PDE4D: variants seen among roughly 807,000 people sequenced by gnomAD.
PDE4D encodes phosphodiesterase 4D.
Under a neutral mutation model 87.4 loss-of-function variants are expected in PDE4D, and 24 were observed. That is an observed-to-expected ratio of 0.27 (90% CI 0.20 to 0.39). The LOEUF (loss-of-function observed/expected upper bound fraction) is 0.39, where lower values mean the gene tolerates loss of function less well. Ranked by LOEUF, PDE4D falls within the 10% of genes least tolerant of loss-of-function variation. PDE4D has a pLI of 1.00. For synonymous variants in PDE4D, 384 were observed against 383.2 expected (o/e 1.00, Z -0.02); for missense variants, 714 against 1,041.0 (o/e 0.69, Z 4.32).
intron 3 of PDE4D, among the ~76,000 whole-genome samples, chr5:59,904,299 G>A (rs1420972343): frequency 1.3e-5 from 2 of 151,900 alleles, no homozygotes; most frequent in Non-Finnish European, 2.9e-5. Context: ...AGGCTATTAT[G>A]GAAACACATT....
chr5:59,841,865 C>T (rs895605128), intron 1 of PDE4D, among the ~76,000 whole-genome samples: 4 of 152,092 alleles, frequency 2.6e-5, no homozygotes, highest in East Asian at 1.9e-4. Flanking sequence ...CAAGAAGCTG[C>T]GAAGAGTTTG....
chr5:59,282,935 C>T (rs937559728), intron 1 of PDE4D, among the ~76,000 whole-genome samples: 1 of 152,104 alleles, frequency 6.6e-6, no homozygotes, highest in African/African-American at 2.4e-5. Context: ...GAGAAAAACG[C>T]CTACTATTTA....
At chr5:59,615,253 G>A (rs756508109) in intron 1 of PDE4D, among the ~76,000 whole-genome samples, 31 of 152,090 alleles carry the variant, frequency 2.0e-4, no homozygotes, top group Admixed American at 7.2e-4. Context: ...AAACAGTAAG[G>A]TTTCCTGGGA....
intron 5 of PDE4D, among the ~76,000 whole-genome samples, chr5:59,070,414 C>G (rs1764588499): frequency 6.6e-6 from 1 of 152,266 alleles, no homozygotes; most frequent in Non-Finnish European, 1.5e-5. Flanking sequence ...TTAGCTGATT[C>G]ATTTGCTATA....
intron 1 of PDE4D, among the ~76,000 whole-genome samples, chr5:59,348,675 C>G (rs1439118573): frequency 1.6e-5 from 2 of 128,670 alleles, no homozygotes; most frequent in Non-Finnish European, 3.2e-5. Flanking sequence ...TTTGAACTGT[C>G]CTTTGCATTT....
At chr5:59,877,224 C>T (rs1210510015) in intron 1 of PDE4D, among the ~76,000 whole-genome samples, 3 of 151,894 alleles carry the variant, frequency 2.0e-5, no homozygotes, top group Non-Finnish European at 4.4e-5. Context: ...CCTGCATGTT[C>T]GTTTGGTTGT....
chr5:60,116,709 G>A (rs182523390), intron 2 of PDE4D, among the ~76,000 whole-genome samples: 17 of 151,996 alleles, frequency 1.1e-4, no homozygotes, highest in African/African-American at 4.1e-4. Flanking sequence ...CATCAGAAAC[G>A]AGAGCAGGAA....
intron 2 of PDE4D, among the ~76,000 whole-genome samples, chr5:60,014,973 A>G (rs1765372763): frequency 1.3e-5 from 2 of 152,188 alleles, no homozygotes; most frequent in Admixed American, 1.3e-4. Context: ...GGAATTGGTA[A>G]CATGTTCCCA....
intron 2 of PDE4D, chr5:60,022,705 C>T (rs1766201685): frequency 6.6e-6 from 1 of 152,196 alleles, no homozygotes; most frequent in Non-Finnish European, 1.5e-5. Flanking sequence ...GATGCTGACC[C>T]CTCATTGTTA....
intron 11 of PDE4D, among the ~76,000 whole-genome samples, chr5:58,986,845 T>A (rs1277606508): frequency 6.6e-6 from 1 of 152,138 alleles, no homozygotes; most frequent in African/African-American, 2.4e-5. Flanking sequence ...GTGACCTTTC[T>A]ATCAGTTGTT....
At chr5:59,255,401 G>C (rs1387036501) in intron 1 of PDE4D, among the ~76,000 whole-genome samples, 2 of 152,120 alleles carry the variant, frequency 1.3e-5, no homozygotes, top group Non-Finnish European at 2.9e-5. Context: ...GCCTAGAGCT[G>C]TGGGGTGGAA....
At chr5:60,378,616 G>A (rs1280256783) in intron 1 of PDE4D, among the ~76,000 whole-genome samples, 1 of 152,112 alleles carries the variant, frequency 6.6e-6, no homozygotes, top group Non-Finnish European at 1.5e-5. Context: ...CACTTTGGGA[G>A]GCCAAGGTGG....
At chr5:59,056,073 T>C (rs1391697328) in intron 5 of PDE4D, among the ~76,000 whole-genome samples, 1 of 152,168 alleles carries the variant, frequency 6.6e-6, no homozygotes. Flanking sequence ...ACAGGCTTCC[T>C]GGGGAGGATA....
intron 1 of PDE4D, among the ~76,000 whole-genome samples, chr5:59,720,106 G>A (rs1348018221): frequency 6.6e-6 from 1 of 152,104 alleles, no homozygotes; most frequent in African/African-American, 2.4e-5. Context: ...CATTTTCAAG[G>A]TGTGTATGTT....
At chr5:60,083,915 C>T (rs986127441) in intron 2 of PDE4D, among the ~76,000 whole-genome samples, 2 of 152,170 alleles carry the variant, frequency 1.3e-5, no homozygotes, top group Non-Finnish European at 2.9e-5. Context: ...AAGGTGACAG[C>T]TCTTGACCCC....
chr5:60,068,417 G>GTTATTGAT (rs1772341035), intron 2 of PDE4D, among the ~76,000 whole-genome samples: 2 of 150,588 alleles, frequency 1.3e-5, no homozygotes, highest in South Asian at 4.2e-4. Flanking sequence ...TTTAAATCAG[G>GTTATTGAT]TTATTTATTT....
intron 2 of PDE4D, among the ~76,000 whole-genome samples, chr5:60,108,941 T>C (rs1582700670): frequency 2.6e-5 from 4 of 152,280 alleles, no homozygotes; most frequent in South Asian, 2.1e-4. Flanking sequence ...ATTCAGGACA[T>C]AGGCATGGGC....
At chr5:59,414,018 T>C (rs781774384) in intron 1 of PDE4D, among the ~76,000 whole-genome samples, 2 of 152,216 alleles carry the variant, frequency 1.3e-5, no homozygotes, top group African/African-American at 2.4e-5. Context: ...CAGTCTAGTT[T>C]AGAAATCAAG....
chr5:60,455,399 A>C (rs1223431368), intron 1 of PDE4D, among the ~76,000 whole-genome samples: 1 of 152,162 alleles, frequency 6.6e-6, no homozygotes, highest in East Asian at 1.9e-4. Context: ...GAGAAGAAGG[A>C]AAATGAGAGA....
Sources: gnomAD v4.1 joint callset for allele counts (sites outside exome capture counted in the v4.1 genomes callset) on GRCh38, gnomAD v4.1.1 for gene constraint, MANE v1.5 for transcripts, NCBI Gene and HGNC (gene_info 2026-07-23, HGNC 2026-07-21) for gene names.